Variants in FRMD5 observed in about 807,000 individuals in gnomAD.
FRMD5 encodes FERM domain containing 5.
In FRMD5, 20 loss-of-function variants were observed where a neutral mutation model predicts 69.0. That is an observed-to-expected ratio of 0.29 (90% CI 0.20 to 0.42). The LOEUF (loss-of-function observed/expected upper bound fraction) is 0.42, where lower values mean the gene tolerates loss of function less well. FRMD5 is among the 10% of genes least tolerant of loss of function. The pLI is 1.00. For synonymous variants in FRMD5, 271 were observed against 260.1 expected, an observed-to-expected ratio of 1.04 and a Z score of -0.40; for missense variants, 595 against 708.6, an observed-to-expected ratio of 0.84 and a Z score of 1.82.
chr15:43,989,953 G>C (rs1320380408), intron 1 of FRMD5: 1 of 1,121,444 alleles, frequency 8.9e-7, no homozygotes, highest in Non-Finnish European at 1.3e-6. Flanking sequence ...GTCCCAGGTG[G>C]TGACAATGTC....
chr15:44,196,657 C>T (rs1415211545), upstream of FRMD5, among the ~76,000 whole-genome samples: 1 of 150,686 alleles, frequency 6.6e-6, no homozygotes, highest in East Asian at 1.9e-4. Context: ...ATGCTTCTTC[C>T]CTAGTGTCTT....
intron 13 of FRMD5, among the ~76,000 whole-genome samples, chr15:43,875,468 C>T (rs897153207): frequency 8.1e-5 from 12 of 147,996 alleles, no homozygotes; most frequent in East Asian, 2.0e-4. Flanking sequence ...TTTTTGCTTA[C>T]GGTTTTGGCC....
At chr15:44,102,449 C>T (rs572147735) in intron 1 of FRMD5, among the ~76,000 whole-genome samples, 28 of 152,180 alleles carry the variant, frequency 1.8e-4, no homozygotes, top group African/African-American at 6.0e-4. Context: ...TTCTGGTAAA[C>T]GGATCTGACA....
At chr15:43,938,681 AGTATAGAGGCTGG>A (rs1405169106) in intron 1 of FRMD5, among the ~76,000 whole-genome samples, 15 of 152,210 alleles carry the variant, frequency 9.9e-5, no homozygotes, top group Admixed American at 1.3e-4. Flanking sequence ...TGTTGAAAAC[AGTATAGAGGCTGG>A]GCTTCTCCAA....
chr15:44,053,296 A>C (rs1234969300), intron 1 of FRMD5, among the ~76,000 whole-genome samples: 1 of 152,202 alleles, frequency 6.6e-6, no homozygotes, highest in African/African-American at 2.4e-5. Flanking sequence ...GTAAAGATTT[A>C]GTCTTTATTT....
intron 13 of FRMD5, among the ~76,000 whole-genome samples, chr15:43,875,085 C>G (rs1801948641): frequency 6.6e-6 from 1 of 152,010 alleles, no homozygotes; most frequent in Non-Finnish European, 1.5e-5. Context: ...GTAATCCCAG[C>G]TACTCAGGAG....
chr15:43,968,293 G>C (rs1351577823), intron 1 of FRMD5, among the ~76,000 whole-genome samples: 1 of 152,022 alleles, frequency 6.6e-6, no homozygotes, highest in African/African-American at 2.4e-5. Context: ...TTTTTAAGAA[G>C]AATTCAAAAT....
At position 43,919,460 on chromosome 15, in the gene FRMD5, T is replaced by C; in HGVS notation, c.328A>G (p.Arg110Gly). ...DPAALKEEITRYLVFLQIKRD... is the reference protein window; with the variant it reads ...DPAALKEEITGYLVFLQIKRD... ...CTGCGGGAAGCATGTTCACCTCACC[T>C]GGTTATTTCTTCTTTCAGAGCAGCA... Residue 110 changes from arginine (R) to glycine (G), a missense_variant and splice_region_variant, in exon 4 of 14, where the codon AGG becomes GGG. Physicochemically the swap from Arg to Gly is moderately radical, Grantham distance 125 (BLOSUM62 -2). Coordinates refer to ENST00000417257, the MANE Select transcript of FRMD5 (RefSeq NM_032892.5). 1 of 1,613,868 alleles carries C rather than the reference T, an allele frequency of 6.2e-7. No homozygotes were observed. The highest frequency in any genetic ancestry group is 8.5e-7 in the Non-Finnish European group (1 of 1,179,800).
chr15:43,915,897 G>A (rs1159163027), intron 4 of FRMD5, among the ~76,000 whole-genome samples: 4 of 152,326 alleles, frequency 2.6e-5, no homozygotes, highest in South Asian at 2.1e-4. Context: ...CTAAGCCAGG[G>A]ATGAATTACG....
intron 10 of FRMD5, among the ~76,000 whole-genome samples, chr15:43,885,997 G>T (rs184788714): frequency 1.3e-5 from 2 of 152,184 alleles, no homozygotes; most frequent in Admixed American, 6.5e-5. Context: ...GAGAGTGAAG[G>T]CTCCCCCAAA....
chr15:44,120,533 A>ATTCTTTTTTT (rs752188074), intron 1 of FRMD5, among the ~76,000 whole-genome samples: 1 of 137,866 alleles, frequency 7.3e-6, no homozygotes, highest in Non-Finnish European at 1.5e-5. Flanking sequence ...GGAAGAGTGG[A>ATTCTTTTTTT]TTTTTTTTTT....
intron 1 of FRMD5, among the ~76,000 whole-genome samples, chr15:44,077,088 C>T (rs2140432506): frequency 6.6e-6 from 1 of 152,216 alleles, no homozygotes; most frequent in Middle Eastern, 3.4e-3. Flanking sequence ...CTTTTGCTCA[C>T]TCTCTTGGAA....
At chr15:44,109,484 G>T (rs2706494) in intron 1 of FRMD5, among the ~76,000 whole-genome samples, 5,415 of 150,598 alleles carry the variant, frequency 0.036, 192 homozygotes, top group Non-Finnish European at 0.048. Flanking sequence ...AATAAATTTT[G>T]TTTTTTTTAA....
chr15:44,046,119 G>C (rs973199894), intron 1 of FRMD5, among the ~76,000 whole-genome samples: 2 of 152,098 alleles, frequency 1.3e-5, no homozygotes, highest in Admixed American at 6.5e-5. Flanking sequence ...TACATACTCA[G>C]CAAATAATTC....
intron 1 of FRMD5, among the ~76,000 whole-genome samples, chr15:43,988,767 G>A (rs1280144931): frequency 6.6e-6 from 1 of 152,166 alleles, no homozygotes; most frequent in Non-Finnish European, 1.5e-5. Flanking sequence ...GAGAAGTGGG[G>A]TAGCTTGTAG....
chr15:44,073,992 T>A (rs1010232194), intron 1 of FRMD5, among the ~76,000 whole-genome samples: 3 of 152,144 alleles, frequency 2.0e-5, no homozygotes, highest in Admixed American at 6.6e-5. Flanking sequence ...CATGTATTCT[T>A]AAAAAGGAGC....
chr15:44,123,853 A>C (rs1372541362), intron 1 of FRMD5, among the ~76,000 whole-genome samples: 1 of 152,224 alleles, frequency 6.6e-6, no homozygotes, highest in Non-Finnish European at 1.5e-5. Context: ...CCGCTTAACT[A>C]GCAAGATGTA....
chr15:43,912,576 C>T (rs2089308530), intron 4 of FRMD5, among the ~76,000 whole-genome samples: 1 of 151,962 alleles, frequency 6.6e-6, no homozygotes, highest in Non-Finnish European at 1.5e-5. Context: ...GTCCAAAATT[C>T]AGGGACTGTA....
intron 13 of FRMD5, among the ~76,000 whole-genome samples, chr15:43,874,684 G>A (rs973736781): frequency 1.3e-5 from 2 of 152,130 alleles, no homozygotes; most frequent in African/African-American, 4.8e-5. Flanking sequence ...TGGATCGCTT[G>A]AGGTCAGGAG....
Sources: allele counts gnomAD v4.1 joint callset (sites outside exome capture counted in the v4.1 genomes callset), GRCh38; gene constraint gnomAD v4.1.1; transcripts MANE v1.5; gene names NCBI Gene and HGNC (gene_info 2026-07-23, HGNC 2026-07-21).